ATP8B4: variants seen among roughly 807,000 people sequenced by gnomAD.
The protein encoded by ATP8B4 is ATPase phospholipid transporting 8B4 (putative).
Under a neutral mutation model 145.6 loss-of-function variants are expected in ATP8B4, and 133 were observed. The observed-to-expected ratio is 0.91, with a 90% confidence interval of 0.79 to 1.05. The LOEUF is 1.05. ATP8B4 is among the 50% of genes least tolerant of loss of function. The pLI, the probability that ATP8B4 is intolerant of heterozygous loss-of-function variation, is 0.00. For synonymous variants in ATP8B4, 507 were observed against 492.9 expected, an observed-to-expected ratio of 1.03 and a Z score of -0.38; for missense variants, 1,458 against 1,425.2, an observed-to-expected ratio of 1.02 and a Z score of -0.37.
chr15:50,022,371 A>G (rs2049649472), intron 6 of ATP8B4, among the ~76,000 whole-genome samples: 1 of 152,172 alleles, frequency 6.6e-6, no homozygotes, highest in Non-Finnish European at 1.5e-5. Context: ...ATTGAAACTA[A>G]AAACTTGGTT....
chr15:50,000,623 T>C (rs1028340780), intron 8 of ATP8B4, among the ~76,000 whole-genome samples: 2 of 152,160 alleles, frequency 1.3e-5, no homozygotes, highest in African/African-American at 4.8e-5. Flanking sequence ...AAATAGATGG[T>C]TTACAAATAT....
chr15:49,927,171 A>G (rs964286035), intron 16 of ATP8B4, among the ~76,000 whole-genome samples: 5 of 133,812 alleles, frequency 3.7e-5, no homozygotes, highest in Non-Finnish European at 8.8e-5. Context: ...TCCCTCTGGA[A>G]AAAAATCCTT....
At chr15:50,161,037 T>G (rs555004739) in intron 1 of ATP8B4, among the ~76,000 whole-genome samples, 1 of 152,268 alleles carries the variant, frequency 6.6e-6, no homozygotes, top group East Asian at 1.9e-4. Context: ...ATTCACTTTA[T>G]GTATCTGGGT....
intron 1 of ATP8B4, among the ~76,000 whole-genome samples, chr15:50,162,336 T>A (rs569949613): frequency 6.6e-6 from 1 of 150,910 alleles, no homozygotes; most frequent in Non-Finnish European, 1.5e-5. Flanking sequence ...ACTTTATTAA[T>A]ATCTACTTAT....
intron 3 of ATP8B4, among the ~76,000 whole-genome samples, chr15:50,064,851 AAAGGGAGAGGGAGG>A (rs112058525): frequency 0.12 from 18,071 of 152,154 alleles, 1,167 homozygotes; most frequent in African/African-American, 0.16. Context: ...AGCAGGAGCA[AAAGGGAGAGGGAGG>A]AGGTGCTACA....
intron 16 of ATP8B4, 150 bp from the exon 17 acceptor site, chr15:49,923,644 C>CCTG: frequency 1.8e-6 from 1 of 544,222 alleles, no homozygotes; most frequent in Non-Finnish European, 3.2e-6. Flanking sequence ...AGGTCATTAC[C>CCTG]TAAGTCACTT....
chr15:50,102,252 C>G (rs1190349255), intron 2 of ATP8B4, among the ~76,000 whole-genome samples: 1 of 151,394 alleles, frequency 6.6e-6, no homozygotes, highest in Admixed American at 6.6e-5. Flanking sequence ...TCAGAGCACA[C>G]TAAATGAATT....
intron 3 of ATP8B4, among the ~76,000 whole-genome samples, chr15:50,072,971 T>A: frequency 2.8e-5 from 1 of 35,486 alleles, no homozygotes; most frequent in African/African-American, 1.2e-4. Flanking sequence ...TCTCTCTCTC[T>A]CTCTCTCTCT....
intron 23 of ATP8B4, among the ~76,000 whole-genome samples, chr15:49,884,847 T>G (rs1310120969): frequency 6.6e-6 from 1 of 152,058 alleles, no homozygotes; most frequent in Non-Finnish European, 1.5e-5. Flanking sequence ...AAGATTATCA[T>G]AGGAGCATGA....
At chr15:50,033,471 C>T (rs2050600656) in intron 6 of ATP8B4, among the ~76,000 whole-genome samples, 1 of 152,134 alleles carries the variant, frequency 6.6e-6, no homozygotes, top group Admixed American at 6.5e-5. Flanking sequence ...AGAAGGGATG[C>T]TAGCAGCCTG....
intron 14 of ATP8B4, among the ~76,000 whole-genome samples, chr15:49,959,734 AT>A (rs956985888): frequency 4.0e-4 from 61 of 151,982 alleles, no homozygotes; most frequent in African/African-American, 1.4e-3. Flanking sequence ...CCTAGGAATA[AT>A]TTTTTTTAAT....
chr15:49,876,824 GTT>G, intron 24 of ATP8B4: 3 of 485,706 alleles, frequency 6.2e-6, no homozygotes, highest in South Asian at 5.2e-5. Flanking sequence ...TCAAATTGAA[GTT>G]TCTTTCCTAC....
chr15:50,092,732 A>G (rs1317165468), intron 2 of ATP8B4, among the ~76,000 whole-genome samples: 1 of 151,996 alleles, frequency 6.6e-6, no homozygotes, highest in African/African-American at 2.4e-5. Context: ...ATATGGTTAA[A>G]GGTTTATCAT....
intron 1 of ATP8B4, chr15:50,114,484 T>G (rs1475294346): frequency 6.6e-6 from 1 of 152,404 alleles, no homozygotes; most frequent in African/African-American, 2.4e-5. Context: ...AGTCTGCTCT[T>G]GCTGGTCTCT....
At chr15:50,166,814 T>C (rs946673500) in intron 1 of ATP8B4, among the ~76,000 whole-genome samples, 3 of 152,072 alleles carry the variant, frequency 2.0e-5, no homozygotes, top group South Asian at 2.1e-4. Flanking sequence ...CATAAGCCAA[T>C]AGAACACCTG....
chr15:50,068,427 G>A (rs1474843748), intron 3 of ATP8B4, among the ~76,000 whole-genome samples: 1 of 152,122 alleles, frequency 6.6e-6, no homozygotes, highest in Non-Finnish European at 1.5e-5. Flanking sequence ...ATATCAACAA[G>A]GCATTTGCAG....
At chr15:50,069,259 T>G (rs1276708344) in intron 3 of ATP8B4, among the ~76,000 whole-genome samples, 2 of 152,236 alleles carry the variant, frequency 1.3e-5, no homozygotes, top group Non-Finnish European at 2.9e-5. Context: ...ATTTACAAAC[T>G]AATTTGACTT....
At chr15:49,865,674 T>G (rs2032668795) in intron 26 of ATP8B4, among the ~76,000 whole-genome samples, 1 of 152,214 alleles carries the variant, frequency 6.6e-6, no homozygotes, top group South Asian at 2.1e-4. Flanking sequence ...AATCCCTACT[T>G]CTCGATGACC....
chr15:49,958,993 G>A (rs1229979298), intron 14 of ATP8B4, among the ~76,000 whole-genome samples: 2 of 151,852 alleles, frequency 1.3e-5, no homozygotes, highest in Non-Finnish European at 2.9e-5. Flanking sequence ...TATAACATTG[G>A]TAGCAAAACA....
Sources: gnomAD v4.1 joint callset for allele counts (sites outside exome capture counted in the v4.1 genomes callset) on GRCh38, gnomAD v4.1.1 for gene constraint, MANE v1.5 for transcripts, NCBI Gene and HGNC (gene_info 2026-07-23, HGNC 2026-07-21) for gene names.